NTM: variants seen among roughly 807,000 people sequenced by gnomAD.
NTM encodes neurotrimin, also known as IgLON family member 2.
In NTM, 13 loss-of-function variants were observed where a neutral mutation model predicts 42.1. The ratio of observed to expected loss-of-function variants is 0.31; its 90% CI spans 0.20 to 0.49. The LOEUF (loss-of-function observed/expected upper bound fraction) is 0.49. Among genes scored for constraint, NTM ranks in the 20% least tolerant of loss-of-function variants. NTM has a pLI of 0.99. For missense variants in NTM, 373 were observed against 452.8 expected (o/e 0.82, Z 1.60); for synonymous variants, 187 against 179.2 (o/e 1.04, Z -0.35).
intron 2 of NTM, among the ~76,000 whole-genome samples, chr11:132,000,594 C>G (rs745486392): frequency 1.1e-4 from 16 of 152,160 alleles, no homozygotes; most frequent in Admixed American, 2.6e-4. Flanking sequence ...TTTTATCTCA[C>G]TCTGTTCTGG....
At chr11:131,795,644 C>T in intron 1 of NTM, 1 of 985,380 alleles carries the variant, frequency 1.0e-6, no homozygotes, top group African/African-American at 1.7e-5. Context: ...CCCATGTAGG[C>T]CAGTACAGTG....
At chr11:131,913,337 T>C (rs1221511661) in intron 2 of NTM, among the ~76,000 whole-genome samples, 1 of 151,944 alleles carries the variant, frequency 6.6e-6, no homozygotes, top group African/African-American at 2.4e-5. Context: ...ATGGGATTTT[T>C]TTTTTCAAGG....
At position 131,870,377 on chromosome 11, in the gene NTM, A is replaced by G. The variant is rs78781366; in HGVS notation, c.83-41187A>G. Among the ~76,000 whole-genome samples the G allele has an allele frequency of 2.2e-3, 328 of 152,348 alleles. 1 individual carries two copies. Among genetic ancestry groups the G allele is most frequent in the Middle Eastern group, 3.4e-3 (1 of 294 alleles). ...CACTAACTGAAGTTGTATGTGTGCA[A>G]TGCCTAGCAATGGCTCCTGGTTGAA... On this transcript the variant is annotated intron_variant, in intron 1 of 8. Transcript: ENST00000683400.
At chr11:131,951,995 G>A (rs2061051925) in intron 2 of NTM, among the ~76,000 whole-genome samples, 1 of 152,056 alleles carries the variant, frequency 6.6e-6, no homozygotes, top group Non-Finnish European at 1.5e-5. Flanking sequence ...CAACAAGAAA[G>A]TAATACCCTG....
At chr11:131,830,013 C>G (rs1000124535) in intron 1 of NTM, among the ~76,000 whole-genome samples, 2 of 152,000 alleles carry the variant, frequency 1.3e-5, no homozygotes, top group Non-Finnish European at 2.9e-5. Context: ...CAGCTTTTGC[C>G]CATTTTTAAA....
At chr11:131,941,743 T>C (rs965422959) in intron 2 of NTM, among the ~76,000 whole-genome samples, 1 of 152,174 alleles carries the variant, frequency 6.6e-6, no homozygotes, top group Non-Finnish European at 1.5e-5. Context: ...TATTATTGGG[T>C]AACAGATATT....
intron 1 of NTM, among the ~76,000 whole-genome samples, chr11:131,497,180 C>A (rs1022353361): frequency 6.6e-6 from 1 of 152,068 alleles, no homozygotes; most frequent in Non-Finnish European, 1.5e-5. Flanking sequence ...CCATAGATTA[C>A]TATTTCTTTT....
chr11:131,460,752 C>T (rs1007367867), intron 1 of NTM, among the ~76,000 whole-genome samples: 88 of 152,150 alleles, frequency 5.8e-4, no homozygotes, highest in African/African-American at 2.1e-3. Context: ...CGGGGTTTCA[C>T]CATGTTGGCC....
intron 2 of NTM, among the ~76,000 whole-genome samples, chr11:132,025,519 G>A (rs567656217): frequency 1.8e-4 from 28 of 152,144 alleles, no homozygotes; most frequent in Non-Finnish European, 3.1e-4. Flanking sequence ...CCCATTGTAC[G>A]AGAAATTCTT....
intron 1 of NTM, among the ~76,000 whole-genome samples, chr11:131,514,649 G>A (rs1342872854): frequency 2.0e-5 from 3 of 151,820 alleles, no homozygotes; most frequent in East Asian, 3.9e-4. Flanking sequence ...ACACAATTTC[G>A]GGTCACTGCA....
intron 2 of NTM, among the ~76,000 whole-genome samples, chr11:132,080,443 G>A (rs1409820343): frequency 2.0e-5 from 3 of 152,192 alleles, no homozygotes; most frequent in Non-Finnish European, 2.9e-5. Context: ...AAAATCCCCA[G>A]CAGCCACGGG....
intron 2 of NTM, among the ~76,000 whole-genome samples, chr11:132,134,679 T>A (rs1310292751): frequency 7.1e-6 from 1 of 141,264 alleles, no homozygotes. Flanking sequence ...ATTTTGTTCC[T>A]TTTTATGGCC....
At chr11:131,927,795 G>T (rs1247514086) in intron 2 of NTM, among the ~76,000 whole-genome samples, 1 of 152,112 alleles carries the variant, frequency 6.6e-6, no homozygotes, top group Non-Finnish European at 1.5e-5. Context: ...ATCAGAGATG[G>T]GGTCACACAT....
At chr11:131,738,160 G>C (rs2080725850) in intron 1 of NTM, among the ~76,000 whole-genome samples, 1 of 152,076 alleles carries the variant, frequency 6.6e-6, no homozygotes, top group South Asian at 2.1e-4. Flanking sequence ...CTCACTCCTG[G>C]GTTTCTCTCC....
intron 1 of NTM, among the ~76,000 whole-genome samples, chr11:131,818,845 C>A (rs1193159211): frequency 6.6e-6 from 1 of 152,160 alleles, no homozygotes; most frequent in Non-Finnish European, 1.5e-5. Context: ...TTACTAGATA[C>A]ACATCTTTGA....
At position 131,470,947 on chromosome 11, in the gene NTM, G is replaced by A. The variant is rs190739351; in HGVS notation, c.82+100059G>A. On this transcript the variant is annotated intron_variant, in intron 1 of 8. Transcript: ENST00000683400. The stretch of plus-strand genomic sequence containing the variant: ...TCCATTTCTGAGCTACACTGTGCTC[G>A]CCGAGTAGAAATTTCATCTTTCTCA... 8.5e-5 allele frequency among the ~76,000 whole-genome samples: 13 copies of A among 152,256 alleles called. No individual in the cohort carries two copies. In the East Asian group the frequency reaches 2.3e-3, roughly 27 times the overall value.
intron 1 of NTM, among the ~76,000 whole-genome samples, chr11:131,721,860 G>A (rs777736989): frequency 4.0e-5 from 6 of 151,830 alleles, no homozygotes; most frequent in East Asian, 1.9e-4. Flanking sequence ...TTAGCTAGGC[G>A]TGGTCGTGGG....
chr11:131,637,202 C>T (rs1359484359), intron 1 of NTM, among the ~76,000 whole-genome samples: 1 of 152,016 alleles, frequency 6.6e-6, no homozygotes, highest in East Asian at 2.0e-4. Context: ...GATGCATAGC[C>T]AGGACATCCA....
At chr11:132,208,440 T>C (rs948413786) in intron 3 of NTM, among the ~76,000 whole-genome samples, 4 of 152,236 alleles carry the variant, frequency 2.6e-5, no homozygotes, top group Admixed American at 6.5e-5. Context: ...ACTGTATTCT[T>C]AGGCAGAATT....
Sources: allele counts gnomAD v4.1 joint callset (sites outside exome capture counted in the v4.1 genomes callset), GRCh38; gene constraint gnomAD v4.1.1; transcripts MANE v1.5; gene names NCBI Gene and HGNC (gene_info 2026-07-23, HGNC 2026-07-21).